ANXA4: variants seen among roughly 807,000 people sequenced by gnomAD.
ANXA4 encodes annexin A4.
A neutral mutation model predicts 49.8 loss-of-function variants in ANXA4; 39 were observed. The observed-to-expected ratio is 0.78, with a 90% CI of 0.61 to 1.02. ANXA4 has a LOEUF of 1.02. Among genes scored for constraint, ANXA4 ranks in the 50% least tolerant of loss-of-function variants. ANXA4 has a pLI of 0.00. For synonymous variants in ANXA4, 134 were observed against 152.5 expected, an observed-to-expected ratio of 0.88 and a Z score of 0.89; for missense variants, 360 against 410.1, an observed-to-expected ratio of 0.88 and a Z score of 1.05.
chr2:69,671,716 C>T (rs1215872619), intron 2 of ANXA4, among the ~76,000 whole-genome samples: 1 of 152,022 alleles, frequency 6.6e-6, no homozygotes, highest in Non-Finnish European at 1.5e-5. Flanking sequence ...TAATGAGACT[C>T]CATCTCAAAA....
chr2:69,659,294 A>G (rs1676624137), intron 2 of ANXA4, among the ~76,000 whole-genome samples: 1 of 152,254 alleles, frequency 6.6e-6, no homozygotes, highest in African/African-American at 2.4e-5. Flanking sequence ...TGGCTTCTCC[A>G]CTTTATGTTA....
intron 1 of ANXA4, among the ~76,000 whole-genome samples, chr2:69,773,020 AAAAGAAAGAAAG>A (rs60683880): frequency 6.6e-6 from 1 of 151,700 alleles, no homozygotes; most frequent in South Asian, 2.1e-4. Flanking sequence ...TCTCAAAAAA[AAAAGAAAGAAAG>A]AAAGAAAGAA....
chr2:69,657,894 A>G (rs1263643436), intron 2 of ANXA4, among the ~76,000 whole-genome samples: 2 of 152,168 alleles, frequency 1.3e-5, no homozygotes, highest in Non-Finnish European at 2.9e-5. Context: ...TTCCATGCCT[A>G]TTTAAAAATT....
intron 2 of ANXA4, among the ~76,000 whole-genome samples, chr2:69,697,028 T>C (rs942076489): frequency 1.3e-5 from 2 of 152,190 alleles, no homozygotes; most frequent in South Asian, 2.1e-4. Flanking sequence ...CCAGCTGCAT[T>C]AGTCCCTAAC....
chr2:69,723,276 C>A (rs1445022703), intron 3 of ANXA4, among the ~76,000 whole-genome samples: 1 of 151,012 alleles, frequency 6.6e-6, no homozygotes, highest in Admixed American at 6.6e-5. Context: ...TAAGCTGATT[C>A]AGGGGGAGGT....
intron 1 of ANXA4, among the ~76,000 whole-genome samples, chr2:69,767,395 A>G (rs1005923589): frequency 3.3e-5 from 5 of 152,200 alleles, no homozygotes; most frequent in African/African-American, 1.2e-4. Flanking sequence ...TACTTTGGGA[A>G]CTTTGCTATT....
At chr2:69,670,578 G>A (rs1349030216) in intron 2 of ANXA4, among the ~76,000 whole-genome samples, 1 of 151,970 alleles carries the variant, frequency 6.6e-6, no homozygotes, top group African/African-American at 2.4e-5. Context: ...CACAGGGATA[G>A]ACAACTGGCA....
chr2:69,804,585 G>A lies in ANXA4; in HGVS notation c.150G>A (p.Gln50=), dbSNP rs1673358686. ...TCCTTGCCTACCGCAACACCGCCCA[G>A]CGCCAGGAGATCAGGACAGCCTACA... is the stretch of plus-strand genomic sequence containing the variant. The part of the protein sequence containing the change: ...ISVLAYRNTA[Q]RQEIRTAYKS... The change falls in exon 4 of 13, where the codon CAG becomes CAA. Residue 50 remains glutamine, a synonymous_variant. Coordinates refer to ENST00000394295, the MANE Select transcript of ANXA4 (RefSeq NM_001153.5). 1 of 1,613,914 alleles carries A rather than the reference G, an allele frequency of 6.2e-7. No homozygotes were observed. The highest frequency in any genetic ancestry group is 2.2e-5 in the East Asian group (1 of 44,856).
chr2:69,728,772 T>C (rs1255874551), intron 3 of ANXA4, among the ~76,000 whole-genome samples: 2 of 152,222 alleles, frequency 1.3e-5, no homozygotes, highest in African/African-American at 4.8e-5. Flanking sequence ...GTCATATTGT[T>C]GAGTCTTGAT....
At chr2:69,654,277 T>A (rs775632602) in intron 2 of ANXA4, among the ~76,000 whole-genome samples, 2 of 152,234 alleles carry the variant, frequency 1.3e-5, no homozygotes, top group Non-Finnish European at 2.9e-5. Flanking sequence ...ACTCTTTATT[T>A]CTTTCTATTG....
chr2:69,683,786 G>A (rs1038976829), intron 2 of ANXA4, among the ~76,000 whole-genome samples: 4 of 152,200 alleles, frequency 2.6e-5, no homozygotes, highest in African/African-American at 9.7e-5. Context: ...ACACTTAGAT[G>A]TGAACAAATA....
Position 69,708,721 on chromosome 2 carries a change from G to A in ANXA4, n.767-12053G>A, listed in dbSNP as rs150694769. 1.1e-4 allele frequency among the ~76,000 whole-genome samples: 17 copies of A among 152,074 alleles called. No homozygotes were observed. The East Asian group carries it at 1.7e-3, about 16-fold the overall frequency. On this transcript the variant is annotated intron_variant and non_coding_transcript_variant, in intron 2 of 3. Coordinates refer to the ANXA4 transcript ENST00000418066. Reference sequence around the variant, plus strand: ...CTCTGAAGATGGTCCTCCAACAATCGAGGGTGCCTGTGTACTCGAGGTCAG... The same window carrying A: ...CTCTGAAGATGGTCCTCCAACAATCAAGGGTGCCTGTGTACTCGAGGTCAG...
At chr2:69,715,192 G>T (rs1678838519) in intron 2 of ANXA4, among the ~76,000 whole-genome samples, 1 of 152,044 alleles carries the variant, frequency 6.6e-6, no homozygotes, top group Admixed American at 6.6e-5. Context: ...GCAAATCATG[G>T]TTTGTTTTTT....
Position 69,812,130 on chromosome 2 carries a change from T to TG in ANXA4, c.478-523_478-522insG, listed in dbSNP as rs1202820636. Among the ~76,000 whole-genome samples, 55 of 151,622 alleles carry TG rather than the reference T, an allele frequency of 3.6e-4. No individual in the cohort carries two copies. In the South Asian group the frequency reaches 7.6e-3, roughly 21 times the overall value. ...TTCCCAACCTCCCCACCTTTTTTTT[T>TG]TTTTTTTTTAAGATTCAAGGTCTTG... On this transcript the variant is annotated intron_variant, in intron 7 of 12. Transcript: ENST00000394295.
chr2:69,724,502 C>T (rs1005830088), intron 3 of ANXA4, among the ~76,000 whole-genome samples: 1 of 152,190 alleles, frequency 6.6e-6, no homozygotes, highest in African/African-American at 2.4e-5. Context: ...CCCCAGCTGT[C>T]ACCATTACTG....
At chr2:69,792,645 A>G (rs1672741720) in intron 3 of ANXA4, among the ~76,000 whole-genome samples, 1 of 152,156 alleles carries the variant, frequency 6.6e-6, no homozygotes, top group African/African-American at 2.4e-5. Flanking sequence ...TTCTACTTTA[A>G]GACAATTCTT....
intron 1 of ANXA4, among the ~76,000 whole-genome samples, chr2:69,764,801 CTT>C (rs1671434538): frequency 6.6e-6 from 1 of 152,190 alleles, no homozygotes; most frequent in African/African-American, 2.4e-5. Context: ...TCACAGAACT[CTT>C]TTCATCTTGT....
chr2:69,807,960 G>A lies in ANXA4; in HGVS notation c.361G>A (p.Glu121Lys). ...TGAGATCCTGGCCTCCCGGACCCCT[G>A]AGGAGATCCGGCGCATAAGCCAAAC... ...LIEILASRTP[E>K]EIRRISQTYQ... is the part of the protein sequence containing the mutation. Residue 121 changes from glutamate to lysine, a missense_variant, in exon 6 of 13, where the codon GAG (glutamate) becomes AAG (lysine). By Grantham distance (56) the Glu-to-Lys change is moderately conservative (BLOSUM62 1). Coordinates refer to ENST00000394295, the MANE Select transcript of ANXA4 (RefSeq NM_001153.5). The A allele has an allele frequency of 1.2e-6, 2 of 1,614,168 alleles. No homozygotes were observed. Among genetic ancestry groups the A allele is most frequent in the South Asian group, 1.1e-5 (1 of 91,074 alleles).
At chr2:69,651,550 T>G (rs1447756031) in intron 1 of ANXA4, among the ~76,000 whole-genome samples, 1 of 152,102 alleles carries the variant, frequency 6.6e-6, no homozygotes, top group Non-Finnish European at 1.5e-5. Flanking sequence ...TCGCCCAGGC[T>G]GGAGTGCAGT....
Sources: gnomAD v4.1 joint callset for allele counts (sites outside exome capture counted in the v4.1 genomes callset) on GRCh38, gnomAD v4.1.1 for gene constraint, MANE v1.5 for transcripts, NCBI Gene and HGNC (gene_info 2026-07-23, HGNC 2026-07-21) for gene names.